ZNF281: variants seen among roughly 807,000 people sequenced by gnomAD.
The protein encoded by ZNF281 is zinc finger protein 281.
Under a neutral mutation model 58.8 loss-of-function variants are expected in ZNF281, and 2 were observed. That is an observed-to-expected ratio of 0.03 (90% CI 0.01 to 0.11). The LOEUF is 0.11. Ranked by LOEUF, ZNF281 falls within the 10% of genes least tolerant of loss-of-function variation. The pLI is 1.00. For missense variants in ZNF281, 975 were observed against 1,090.7 expected (o/e 0.89, Z 1.49); for synonymous variants, 465 against 407.7 (o/e 1.14, Z -1.69).
Position 200,409,341 on chromosome 1 carries a change from T to C in ZNF281, c.365A>G (p.Gln122Arg), listed in dbSNP as rs752337940. 2.6e-6 allele frequency: 4 copies of C among 1,565,882 alleles called. No individual in the cohort carries two copies. The highest frequency in any genetic ancestry group is 1.9e-5 in the Admixed American group (1 of 52,516). ...PSQRTSWGFL[Q>R]SLVSIKQEKP... ...CTCCTGTTTGATGCTAACCAAAGAC[T>C]GCAAGAACCCCCAGGAGGTCCTCTG... Residue 122 changes from glutamine to arginine, a missense_variant, in exon 2 of 2, where the codon CAG (glutamine) becomes CGG (arginine). Gln to Arg is a conservative substitution (Grantham distance 43). Coordinates refer to ENST00000367353, the MANE Select transcript of ZNF281 (RefSeq NM_001281293.2).
Position 200,409,930 on chromosome 1 carries a change from C to A in ZNF281, c.-19+16G>T. 1.7e-6 allele frequency: 1 copy of A among 578,838 alleles called. No homozygotes were observed. The highest frequency in any genetic ancestry group is 2.4e-5 in the South Asian group (1 of 40,824). The allele number at this position is 578,838 out of a possible 1,614,324, so 35.9% of individuals were successfully genotyped here. A position where few individuals can be genotyped will look rare whatever the true frequency, so the allele number is the denominator to read the frequency against. On this transcript the variant is annotated intron_variant, in intron 1 of 1. Transcript: ENST00000367353. ...GGCCTCGCCCTCTCCCTCCTGGACC[C>A]ACCGGCAATACTTACGGGTCCCGCC...
chr1:200,407,562 G>C lies in ZNF281; in HGVS notation c.2144C>G (p.Pro715Arg). 1 of 1,614,222 alleles carries C rather than the reference G, an allele frequency of 6.2e-7. No homozygotes were observed. Among genetic ancestry groups the C allele is most frequent in the Non-Finnish European group, 8.5e-7 (1 of 1,180,030 alleles). ...AGATTGGCCGAAACCACACTCCAAA[G>C]GAGACGTAGTGTATATTTGTTTTTC... ...FPEKQIYTTS[P>R]LECGFGQSVT... The change falls in exon 2 of 2, where the codon CCT (proline) becomes CGT (arginine). Residue 715 changes from proline to arginine, a missense_variant. Coordinates refer to ENST00000367353, the MANE Select transcript of ZNF281 (RefSeq NM_001281293.2).
Position 200,409,950 on chromosome 1 carries a change from C to CCCG in ZNF281, c.-26_-24dup, listed in dbSNP as rs540472021. ...GGACCCACCGGCAATACTTACGGGTCCCGCCGCCGCCGCAGCCGCCGTCGC... is the reference window on the plus strand; with the variant it reads ...GGACCCACCGGCAATACTTACGGGTCCCGCCGCCGCCGCCGCAGCCGCCGTCGC... On this transcript the variant is annotated 5_prime_UTR_variant, in exon 1 of 2. Transcript: ENST00000367353. The CCCG allele has an allele frequency of 8.6e-4, 383 of 443,162 alleles. 1 individual carries two copies. In the East Asian group the frequency reaches 0.016, roughly 18 times the overall value. 27.5% of individuals were successfully genotyped at this position (443,162 alleles called of 1,614,324 possible). A position where few individuals can be genotyped will look rare whatever the true frequency, so the allele number is the denominator to read the frequency against.
chr1:200,409,786 G>A lies in ZNF281; in HGVS notation c.-18-63C>T, dbSNP rs528630652. On this transcript the variant is annotated intron_variant, in intron 1 of 1. Coordinates refer to ENST00000367353, the MANE Select transcript of ZNF281 (RefSeq NM_001281293.2). ...GGAGGTGGAACCGGGCCCCGGGCCG[G>A]GACCACCGCAGCGCTAAGGACCCCG... is the stretch of plus-strand genomic sequence containing the variant. 503 of 1,505,272 alleles carry A rather than the reference G, an allele frequency of 3.3e-4. 9 individuals carry two copies. In the South Asian group the frequency reaches 5.4e-3, roughly 16 times the overall value. The allele number at this position is 1,505,272 out of a possible 1,614,324, so 93.2% of individuals were successfully genotyped here.
In ZNF281 at chr1:200,409,486, G is replaced by A. The variant is rs1489140386; in HGVS notation, c.220C>T (p.Pro74Ser). 1.3e-6 allele frequency: 2 copies of A among 1,548,332 alleles called. No individual in the cohort carries two copies. The highest frequency in any genetic ancestry group is 1.2e-5 in the South Asian group (1 of 83,940). ...TRPAGSAAPP[P>S]QCVLSSSTSA... ...GTAGAGGAGGATAACACGCATTGCG[G>A]GGGAGGGGCGGCCGACCCCGCCGGC... Residue 74 changes from proline (P) to serine (S), a missense_variant, in exon 2 of 2, where the codon CCG becomes TCG. Coordinates refer to ENST00000367353, the MANE Select transcript of ZNF281 (RefSeq NM_001281293.2).
Position 200,409,443 on chromosome 1 carries a change from G to A in ZNF281, c.263C>T (p.Ala88Val). ...CGGGGCTGGCGGAGGGGGGGGCTCA[G>A]CGGCCGGGGCTGCGGAGGTAGAGGA... Reference protein sequence around the residue: ...LSSSTSAAPAAEPPPPPAPDM... With the variant: ...LSSSTSAAPAVEPPPPPAPDM... The change falls in exon 2 of 2, where the codon GCT becomes GTT. Residue 88 changes from alanine to valine, a missense_variant. Coordinates refer to ENST00000367353, the MANE Select transcript of ZNF281 (RefSeq NM_001281293.2). The A allele has an allele frequency of 1.3e-6, 2 of 1,525,140 alleles. No homozygotes were observed. Among genetic ancestry groups the A allele is most frequent in the Non-Finnish European group, 1.8e-6 (2 of 1,132,762 alleles). The allele number at this position is 1,525,140 out of a possible 1,614,324, so 94.5% of individuals were successfully genotyped here.
chr1:200,409,806 A>AC (rs1363840490), intron 1 of ZNF281, 83 bp from the exon 2 acceptor site: 76 of 1,435,718 alleles, frequency 5.3e-5, no homozygotes, highest in Non-Finnish European at 6.8e-5. Flanking sequence ...AGCGCTAAGG[A>AC]CCCCGCCGCG....
Position 200,407,233 on chromosome 1 carries a change from T to C in ZNF281, c.2473A>G (p.Thr825Ala). Reference sequence around the variant, plus strand: ...TGTGCAAAGTTCTCAATCTGATACGTTGTTCTAGGCTCTATGTCTTTCTGA... The same window carrying C: ...TGTGCAAAGTTCTCAATCTGATACGCTGTTCTAGGCTCTATGTCTTTCTGA... ...DPQKDIEPRT[T>A]YQIENFAQAF... The change falls in exon 2 of 2, where the codon ACG becomes GCG. Residue 825 changes from threonine to alanine, a missense_variant. Around this residue, in one of 3 missense-constraint regions of ZNF281, gnomAD observed 579 missense variants for 608.9 expected, o/e 0.95. Coordinates refer to ENST00000367353, the MANE Select transcript of ZNF281 (RefSeq NM_001281293.2). The C allele has an allele frequency of 6.2e-7, 1 of 1,614,202 alleles. No individual in the cohort carries two copies. The highest frequency in any genetic ancestry group is 1.1e-5 in the South Asian group (1 of 91,084).
At position 200,408,319 on chromosome 1, in the gene ZNF281, GCAC is replaced by G. The variant is rs776831937; in HGVS notation, c.1384_1386del (p.Val462del). 1.9e-6 allele frequency: 3 copies of G among 1,612,634 alleles called. No individual in the cohort carries two copies. The highest frequency in any genetic ancestry group is 1.7e-5 in the Admixed American group (1 of 59,988). ...CTTCCTTTCTTAAAGATCAATTTTGGCACCCTCTTCTGCAGTTCATCTATTCCA... is the reference window on the plus strand; with the variant it reads ...CTTCCTTTCTTAAAGATCAATTTTGGCCTCTTCTGCAGTTCATCTATTCCA... On this transcript the variant is annotated inframe_deletion, in exon 2 of 2. Transcript: ENST00000367353.
rs755788963 is a variant in ZNF281, at chr1:200,409,109, G to T, written c.597C>A (p.Ser199Arg). The T allele has an allele frequency of 6.2e-7, 1 of 1,614,204 alleles. No individual in the cohort carries two copies. The highest frequency in any genetic ancestry group is 1.1e-5 in the South Asian group (1 of 91,076). Residue 199 changes from serine to arginine, a missense_variant, in exon 2 of 2, where the codon AGC (serine) becomes AGA (arginine). Around this residue, in one of 3 missense-constraint regions of ZNF281, gnomAD observed 370 missense variants for 360.9 expected, o/e 1.03. Coordinates refer to ENST00000367353, the MANE Select transcript of ZNF281 (RefSeq NM_001281293.2). ...CATGGTGGTCATCAGTCCTGCTACT[G>T]CTGCTGAGTAATACGTCACGGTGGT... ...AQHHRDVLLS[S>R]SSRTDDHHGT...
Position 200,409,734 on chromosome 1 carries a change from G to C in ZNF281, c.-18-11C>G, listed in dbSNP as rs1278514650. ...CCGGAGGAGGCCTGGCTGAAGAAAG[G>C]AGGAGGAAGAGGGAAGAGGGAGGAA... is the stretch of plus-strand genomic sequence containing the variant. On this transcript the variant is annotated splice_polypyrimidine_tract_variant and intron_variant, in intron 1 of 1. Transcript: ENST00000367353. The C allele has an allele frequency of 1.3e-6, 2 of 1,590,476 alleles. No individual in the cohort carries two copies. The highest frequency in any genetic ancestry group is 3.4e-5 in the Admixed American group (2 of 58,334).
Position 200,408,971 on chromosome 1 carries a change from C to T in ZNF281, c.735G>A (p.Leu245=). 1 of 1,614,200 alleles carries T rather than the reference C, an allele frequency of 6.2e-7. No individual in the cohort carries two copies. Among genetic ancestry groups the T allele is most frequent in the Non-Finnish European group, 8.5e-7 (1 of 1,180,030 alleles). ...RKPSASSKPS[L]VGDGEGAILS... is the part of the protein sequence containing the mutation. ...GGATGGCACCTTCTCCATCTCCAAC[C>T]AAAGAAGGTTTGGAAGATGCACTTG... Residue 245 remains leucine, a synonymous_variant, in exon 2 of 2, where the codon TTG becomes TTA. Coordinates refer to ENST00000367353, the MANE Select transcript of ZNF281 (RefSeq NM_001281293.2).
At position 200,406,623 on chromosome 1, in the gene ZNF281, C is replaced by T. The variant is rs1041697609; in HGVS notation, c.*395G>A. The T allele has an allele frequency of 1.9e-5, 3 of 160,782 alleles. No individual in the cohort carries two copies. The highest frequency in any genetic ancestry group is 2.7e-5 in the Non-Finnish European group (2 of 74,364). 10.0% of individuals were successfully genotyped at this position (160,782 alleles called of 1,614,324 possible). ...AGTGATAACGTACAGAATTCCCATG[C>T]GTTATTACACTTTCCTGAGAGTAAA... On this transcript the variant is annotated 3_prime_UTR_variant, in exon 2 of 2. Transcript: ENST00000367353.
chr1:200,408,234 C>T lies in ZNF281; in HGVS notation c.1472G>A (p.Gly491Glu), dbSNP rs1193155871. The T allele has an allele frequency of 1.2e-6, 2 of 1,612,096 alleles. No homozygotes were observed. The highest frequency in any genetic ancestry group is 1.7e-5 in the Admixed American group (1 of 60,000). Reference sequence around the variant, plus strand: ...TGGTTTTCCAGACAAGGATTTCTGTCCTACTATGTCTGGTAATGGTGACAC... The same window carrying T: ...TGGTTTTCCAGACAAGGATTTCTGTTCTACTATGTCTGGTAATGGTGACAC... ...NFVSPLPDIV[G>E]QKSLSGKPSG... The change falls in exon 2 of 2, where the codon GGA becomes GAA. Residue 491 changes from glycine to glutamate, a missense_variant. By Grantham distance (98) the Gly-to-Glu change is moderately conservative. Coordinates refer to ENST00000367353, the MANE Select transcript of ZNF281 (RefSeq NM_001281293.2).
In ZNF281 at chr1:200,407,086, T is replaced by C. The variant is rs764483193; in HGVS notation, c.2620A>G (p.Met874Val). The C allele has an allele frequency of 3.7e-6, 6 of 1,614,186 alleles. No homozygotes were observed. In the South Asian group the frequency reaches 4.4e-5, roughly 12 times the overall value. Residue 874 changes from methionine (M) to valine (V), a missense_variant, in exon 2 of 2, where the codon ATG (methionine) becomes GTG (valine). Met to Val is a conservative substitution (Grantham distance 21). This residue lies in a region of ZNF281 where 579 missense variants were observed against 608.9 expected (regional missense o/e 0.95). Transcript: ENST00000367353. ...CATGGCTCACTTACATCAGACATCATATTTGTATACCCTGAGAAATCTGAC... is the reference window on the plus strand; with the variant it reads ...CATGGCTCACTTACATCAGACATCACATTTGTATACCCTGAGAAATCTGAC... ...SVSDFSGYTNMMSDVSEPCST... is the reference protein window; with the variant it reads ...SVSDFSGYTNVMSDVSEPCST...
In ZNF281 at chr1:200,409,493, G is replaced by A. The variant is rs1160212308; in HGVS notation, c.213C>T (p.Ala71=). 3 of 1,548,816 alleles carry A rather than the reference G, an allele frequency of 1.9e-6. No individual in the cohort carries two copies. Among genetic ancestry groups the A allele is most frequent in the South Asian group, 2.4e-5 (2 of 83,952 alleles). The change falls in exon 2 of 2, where the codon GCC becomes GCT. Residue 71 remains alanine (A), a synonymous_variant. Transcript: ENST00000367353. ...TSFTRPAGSA[A]PPPQCVLSSS... Reference sequence around the variant, plus strand: ...AGGATAACACGCATTGCGGGGGAGGGGCGGCCGACCCCGCCGGCCGGGTGA... The same window carrying A: ...AGGATAACACGCATTGCGGGGGAGGAGCGGCCGACCCCGCCGGCCGGGTGA...
rs1423121634 is a variant in ZNF281, at chr1:200,408,063, C to A, written c.1643G>T (p.Ser548Ile). Residue 548 changes from serine (S) to isoleucine (I), a missense_variant, in exon 2 of 2, where the codon AGC becomes ATC. By Grantham distance (142) the Ser-to-Ile change is moderately radical. Coordinates refer to ENST00000367353, the MANE Select transcript of ZNF281 (RefSeq NM_001281293.2). ...SKKRRYLPTA[S>I]SNSAFSINVG... is the part of the protein sequence containing the mutation. ...GTTTATAGAAAAGGCACTGTTGCTG[C>A]TGGCAGTTGGTAAATATCTTCTTTT... 7 of 1,614,172 alleles carry A rather than the reference C, an allele frequency of 4.3e-6. No individual in the cohort carries two copies. The highest frequency in any genetic ancestry group is 5.9e-6 in the Non-Finnish European group (7 of 1,180,024).
chr1:200,409,770 A>ACCGGGCC (rs1394362653), intron 1 of ZNF281, 47 bp from the exon 2 acceptor site: 30 of 1,537,028 alleles, frequency 2.0e-5, no homozygotes, highest in Non-Finnish European at 2.2e-5. Context: ...AGGAGGTGGA[A>ACCGGGCC]CCGGGCCCCG....
chr1:200,409,574 G>A lies in ZNF281; in HGVS notation c.132C>T (p.Pro44=), dbSNP rs754050659. 9 of 1,549,636 alleles carry A rather than the reference G, an allele frequency of 5.8e-6. No individual in the cohort carries two copies. The highest frequency in any genetic ancestry group is 7.0e-6 in the Non-Finnish European group (8 of 1,146,806). The change falls in exon 2 of 2, where the codon CCC becomes CCT. Residue 44 remains proline, a synonymous_variant. Coordinates refer to ENST00000367353, the MANE Select transcript of ZNF281 (RefSeq NM_001281293.2). ...ACATAACCATACCCTGGGGAAAGGTGGGTTCCATCTCTGCCCTCCTGCCGC... is the reference window on the plus strand; with the variant it reads ...ACATAACCATACCCTGGGGAAAGGTAGGTTCCATCTCTGCCCTCCTGCCGC... ...GSSGRRAEME[P]TFPQGMVMFN...
Sources: gnomAD v4.1 joint callset for allele counts on GRCh38, gnomAD v4.1.1 for gene constraint, gnomAD v4.1.1 regional missense constraint, MANE v1.5 for transcripts, NCBI Gene and HGNC (gene_info 2026-07-23, HGNC 2026-07-21) for gene names.